The following MAST4 variants were observed in gnomAD, a reference collection of about 807,000 sequenced individuals.
MAST4 encodes microtubule associated serine/threonine kinase family member 4.
Under a neutral mutation model 162.7 loss-of-function variants are expected in MAST4, and 89 were observed. The ratio of observed to expected loss-of-function variants is 0.55; its 90% CI spans 0.46 to 0.65. MAST4 has a LOEUF of 0.65. Among genes scored for constraint, MAST4 ranks in the 30% least tolerant of loss-of-function variants. The pLI is 0.00. For synonymous variants in MAST4, 1,479 were observed against 1,361.1 expected (o/e 1.09, Z -1.91); for missense variants, 3,153 against 3,374.0 (o/e 0.93, Z 1.62).
intron 3 of MAST4, among the ~76,000 whole-genome samples, chr5:66,818,100 ACATAAGAGTG>A (rs1284964923): frequency 1.3e-5 from 2 of 152,222 alleles, no homozygotes; most frequent in African/African-American, 4.8e-5. Context: ...GGTCCTGTAT[ACATAAGAGTG>A]CATGTACATT....
At chr5:66,862,112 A>C (rs1463607392) in intron 3 of MAST4, among the ~76,000 whole-genome samples, 6 of 152,228 alleles carry the variant, frequency 3.9e-5, no homozygotes, top group Non-Finnish European at 7.3e-5. Flanking sequence ...GGAGTGTAGC[A>C]CATCCCCTGC....
rs775146707 is a variant in MAST4 at position 67,166,896 on chromosome 5, G to T, written c.7717G>T (p.Ala2573Ser). 2 of 1,610,964 alleles carry T rather than the reference G, an allele frequency of 1.2e-6. No individual in the cohort carries two copies. The highest frequency in any genetic ancestry group is 1.7e-6 in the Non-Finnish European group (2 of 1,178,878). The change falls in exon 29 of 29, where the codon GCT becomes TCT. Residue 2573 changes from alanine (A) to serine (S), a missense_variant. By Grantham distance (99) the Ala-to-Ser change is moderately conservative. Coordinates refer to ENST00000403625, the MANE Select transcript of MAST4 (RefSeq NM_001164664.2). ...KDPAPAQPPP[A>S]RKQNVGRDVT... ...CCCTGCCCCAGCCCAGCCTCCCCCAGCTAGGAAACAGAACGTGGGCAGAGA... is the reference window on the plus strand; with the variant it reads ...CCCTGCCCCAGCCCAGCCTCCCCCATCTAGGAAACAGAACGTGGGCAGAGA...
At position 67,102,650 on chromosome 5, in the gene MAST4, A is replaced by G. The variant is rs200428693; in HGVS notation, c.1146+39A>G. 4.7e-4 allele frequency: 703 copies of G among 1,504,668 alleles called. 2 individuals are homozygous for G. The highest frequency in any genetic ancestry group is 8.6e-4 in the Middle Eastern group (5 of 5,840). The allele number at this position is 1,504,668 out of a possible 1,614,324, so 93.2% of individuals were successfully genotyped here. A position where few individuals can be genotyped will look rare whatever the true frequency, so the allele number is the denominator to read the frequency against. On this transcript the variant is annotated intron_variant, in intron 9 of 28. Transcript: ENST00000403625. Reference sequence around the variant, plus strand: ...TTGAAGATGCCTAGCATCTAAACGAACAGGCACCATAGGTTTAGAGTCTGT... The same window carrying G: ...TTGAAGATGCCTAGCATCTAAACGAGCAGGCACCATAGGTTTAGAGTCTGT...
intron 3 of MAST4, among the ~76,000 whole-genome samples, chr5:66,869,830 G>A (rs1452865822): frequency 6.6e-6 from 1 of 151,980 alleles, no homozygotes. Flanking sequence ...ACTTGCATGG[G>A]GCCTTTAAAG....
At chr5:66,780,336 T>C (rs182880464) in intron 2 of MAST4, among the ~76,000 whole-genome samples, 63 of 152,312 alleles carry the variant, frequency 4.1e-4, no homozygotes, top group African/African-American at 1.5e-3. Context: ...ATTGGTTCCT[T>C]CTGGTGGGTT....
chr5:66,929,467 C>T (rs1357463660), intron 4 of MAST4, among the ~76,000 whole-genome samples: 1 of 152,166 alleles, frequency 6.6e-6, no homozygotes, highest in Non-Finnish European at 1.5e-5. Flanking sequence ...AAGACACACT[C>T]AGAAATAATG....
At position 67,162,730 on chromosome 5, in the gene MAST4, T is replaced by G. The variant is rs765611842; in HGVS notation, c.3909T>G (p.His1303Gln). The G allele has an allele frequency of 3.7e-6, 6 of 1,613,590 alleles. No individual in the cohort carries two copies. The highest frequency in any genetic ancestry group is 3.3e-5 in the Admixed American group (2 of 59,952). ...AGAGCCTCCCAGGTTCCCCCACTCA[T>G]AGCTTGTCTCCCCGGTCTCCAACAC... ...SGESLPGSPT[H>Q]SLSPRSPTPS... The change falls in exon 28 of 29, where the codon CAT becomes CAG. Residue 1303 changes from histidine (H) to glutamine (Q), a missense_variant. Physicochemically the swap from His to Gln is conservative, Grantham distance 24. Transcript: ENST00000403625.
At chr5:66,809,918 T>C (rs1561346862) in intron 3 of MAST4, among the ~76,000 whole-genome samples, 1 of 152,182 alleles carries the variant, frequency 6.6e-6, no homozygotes. Flanking sequence ...GTATTTTTAG[T>C]AGAGATGGGG....
intron 4 of MAST4, among the ~76,000 whole-genome samples, chr5:66,981,058 TGGAGTATGGGAGAG>T (rs1748752038): frequency 6.6e-6 from 1 of 152,022 alleles, no homozygotes; most frequent in Non-Finnish European, 1.5e-5. Flanking sequence ...CTCTGCACAG[TGGAGTATGGGAGAG>T]ATCGTTTGGG....
intron 4 of MAST4, among the ~76,000 whole-genome samples, chr5:67,031,687 A>G (rs937951723): frequency 6.6e-6 from 1 of 152,220 alleles, no homozygotes; most frequent in African/African-American, 2.4e-5. Context: ...AGCTGGAGAA[A>G]GAGCAGGAAT....
chr5:66,994,480 CATTT>C (rs3073600), intron 4 of MAST4, among the ~76,000 whole-genome samples: 15,552 of 152,224 alleles, frequency 0.1, 1,023 homozygotes, highest in Non-Finnish European at 0.15. Flanking sequence ...CACATTCATT[CATTT>C]GTCACTCACC....
At chr5:67,147,214 G>T (rs1389008925) in intron 23 of MAST4, among the ~76,000 whole-genome samples, 1 of 152,116 alleles carries the variant, frequency 6.6e-6, no homozygotes, top group Non-Finnish European at 1.5e-5. Flanking sequence ...CAAAGGCCTT[G>T]GGGGCTGTGC....
intron 3 of MAST4, among the ~76,000 whole-genome samples, chr5:66,874,374 C>T (rs766091647): frequency 3.9e-5 from 6 of 152,048 alleles, no homozygotes; most frequent in African/African-American, 1.4e-4. Context: ...GAAGGGAACA[C>T]GAGAGTGTAC....
intron 4 of MAST4, chr5:66,963,969 T>G: frequency 1.4e-6 from 1 of 704,780 alleles, no homozygotes; most frequent in Non-Finnish European, 2.6e-6. Flanking sequence ...TACTCATATT[T>G]CACTTGGTGT....
At chr5:66,696,120 A>T (rs889426213) in intron 1 of MAST4, among the ~76,000 whole-genome samples, 9 of 152,132 alleles carry the variant, frequency 5.9e-5, no homozygotes, top group African/African-American at 2.2e-4. Flanking sequence ...CAAACACTGC[A>T]TGTTCTCACT....
chr5:66,872,104 G>A (rs573960444), intron 3 of MAST4, among the ~76,000 whole-genome samples: 1 of 152,236 alleles, frequency 6.6e-6, no homozygotes, highest in African/African-American at 2.4e-5. Context: ...CCACCCTTGG[G>A]AAGTAAATTC....
chr5:66,872,815 G>A (rs1400479484), intron 3 of MAST4, among the ~76,000 whole-genome samples: 1 of 152,156 alleles, frequency 6.6e-6, no homozygotes, highest in Non-Finnish European at 1.5e-5. Flanking sequence ...GGTGCATTAA[G>A]TACATCCACT....
At chr5:66,808,833 G>A (rs200685054) in intron 3 of MAST4, among the ~76,000 whole-genome samples, 5 of 152,214 alleles carry the variant, frequency 3.3e-5, no homozygotes, top group Non-Finnish European at 7.3e-5. Context: ...GAGCAGCTCA[G>A]GAGGCACCTG....
intron 2 of MAST4, 62 bp downstream of exon 2, chr5:66,759,924 C>G: frequency 6.4e-7 from 1 of 1,562,638 alleles, no homozygotes; most frequent in South Asian, 1.2e-5. Flanking sequence ...CCTGCATGGC[C>G]CCAGAGTTCC....
Sources: gnomAD v4.1 joint callset for allele counts (sites outside exome capture counted in the v4.1 genomes callset) on GRCh38, gnomAD v4.1.1 for gene constraint, MANE v1.5 for transcripts, NCBI Gene and HGNC (gene_info 2026-07-23, HGNC 2026-07-21) for gene names.